THNSL1: variants seen among roughly 807,000 people sequenced by gnomAD.
The protein encoded by THNSL1 is threonine synthase-like 1.
Under a neutral mutation model 50.4 loss-of-function variants are expected in THNSL1, and 48 were observed. The observed-to-expected ratio is 0.95, with a 90% CI of 0.76 to 1.21. THNSL1 has a LOEUF of 1.21. Among genes scored for constraint, THNSL1 ranks in the 50% most tolerant of loss-of-function variants. The pLI is 0.00. For synonymous variants in THNSL1, 309 were observed against 306.1 expected (o/e 1.01, Z -0.10); for missense variants, 896 against 871.7 (o/e 1.03, Z -0.35).
the THNSL1 span, among the ~76,000 whole-genome samples, chr10:24,997,807 T>TTA: frequency 0.092 from 13,384 of 144,842 alleles, 1,975 homozygotes; most frequent in African/African-American, 0.31. Flanking sequence ...CACAAAGGAT[T>TTA]TATATATATA....
the THNSL1 span, chr10:24,995,923 G>C: frequency 7.2e-7 from 1 of 1,382,862 alleles, no homozygotes; most frequent in Non-Finnish European, 9.9e-7. Context: ...CTGCTACTCA[G>C]TGCTATTTAT....
the THNSL1 span, among the ~76,000 whole-genome samples, chr10:25,007,774 A>G: frequency 6.6e-6 from 1 of 152,052 alleles, no homozygotes; most frequent in African/African-American, 2.4e-5. Context: ...CTCAAAATAA[A>G]CATTAAGCCA....
At chr10:25,005,108 A>G in the THNSL1 span, among the ~76,000 whole-genome samples, 1 of 151,950 alleles carries the variant, frequency 6.6e-6, no homozygotes, top group African/African-American at 2.4e-5. Context: ...ATTCTGTTCT[A>G]TTGATCTCTG....
chr10:25,010,254 C>T, the THNSL1 span, among the ~76,000 whole-genome samples: 6 of 152,212 alleles, frequency 3.9e-5, no homozygotes, highest in East Asian at 7.7e-4. Context: ...TATGTTTTAG[C>T]AAAGAGACTG....
chr10:24,959,494 T>C, the THNSL1 span, among the ~76,000 whole-genome samples: 1 of 152,214 alleles, frequency 6.6e-6, no homozygotes, highest in Non-Finnish European at 1.5e-5. Flanking sequence ...TAATTGTGAG[T>C]TTGATCCACT....
chr10:24,963,761 A>C, the THNSL1 span, among the ~76,000 whole-genome samples: 1 of 152,368 alleles, frequency 6.6e-6, no homozygotes, highest in South Asian at 2.1e-4. Flanking sequence ...TTTTTCCTAG[A>C]GAAAAATAAA....
At chr10:24,985,011 A>T in the THNSL1 span, 1 of 866,356 alleles carries the variant, frequency 1.2e-6, no homozygotes, top group Admixed American at 2.7e-5. Flanking sequence ...AAAGAAACTG[A>T]CAAAAATAAC....
chr10:25,012,035 A>G (rs57710970), upstream of THNSL1, among the ~76,000 whole-genome samples: 1 of 152,166 alleles, frequency 6.6e-6, no homozygotes, highest in East Asian at 1.9e-4. Flanking sequence ...GCCCTGAGTC[A>G]CAGCCATGGC....
chr10:24,990,976 A>C, the THNSL1 span, among the ~76,000 whole-genome samples: 1 of 152,194 alleles, frequency 6.6e-6, no homozygotes, highest in Non-Finnish European at 1.5e-5. Flanking sequence ...GGCATGTGCC[A>C]GTAGTCCCAG....
chr10:25,013,937 C>A (rs149797390), upstream of THNSL1, among the ~76,000 whole-genome samples: 2 of 147,950 alleles, frequency 1.4e-5, no homozygotes, highest in African/African-American at 5.0e-5. Flanking sequence ...AGTGAAACTC[C>A]GTCTTGAAAA....
rs1247945136 is a variant in THNSL1 at position 25,025,467 on chromosome 10, G to GT, written c.*13dup. 1 of 1,585,142 alleles carries GT rather than the reference G, an allele frequency of 6.3e-7. No individual in the cohort carries two copies. The highest frequency in any genetic ancestry group is 1.4e-5 in the African/African-American group (1 of 73,244). On this transcript the variant is annotated 3_prime_UTR_variant, in exon 3 of 3. Transcript: ENST00000376356. ...ATCAATTCATATGAAAGCTTTCAGA[G>GT]TAAATTTTTTTTTCTAGCTATAAGC...
the THNSL1 span, among the ~76,000 whole-genome samples, chr10:24,980,236 T>C: frequency 6.6e-6 from 1 of 152,094 alleles, no homozygotes; most frequent in East Asian, 1.9e-4. Context: ...CTTTTCTAAG[T>C]TCACCCCAGC....
the THNSL1 span, among the ~76,000 whole-genome samples, chr10:24,978,851 G>A: frequency 6.6e-6 from 1 of 152,106 alleles, no homozygotes; most frequent in East Asian, 1.9e-4. Context: ...AAGGAGGGTT[G>A]GACAAAATCT....
chr10:25,017,809 T>C (rs745320962), intron 1 of THNSL1, among the ~76,000 whole-genome samples: 20 of 152,140 alleles, frequency 1.3e-4, no homozygotes, highest in Non-Finnish European at 2.5e-4. Context: ...GAGTATTTTA[T>C]GTTTGGGATT....
chr10:24,960,624 A>G, the THNSL1 span, among the ~76,000 whole-genome samples: 1 of 151,728 alleles, frequency 6.6e-6, no homozygotes, highest in African/African-American at 2.4e-5. Flanking sequence ...ACAGGGTTTT[A>G]CCATGTTGGC....
At chr10:24,985,260 G>A in the THNSL1 span, among the ~76,000 whole-genome samples, 16 of 152,186 alleles carry the variant, frequency 1.1e-4, no homozygotes, top group Admixed American at 5.2e-4. Flanking sequence ...TGATATCCTC[G>A]AGTCAAAAAC....
the THNSL1 span, among the ~76,000 whole-genome samples, chr10:24,988,646 TAG>T: frequency 4.1e-3 from 353 of 86,266 alleles, 1 homozygote; most frequent in Middle Eastern, 0.019. Flanking sequence ...CCTGAAAATG[TAG>T]AGTGACACAG....
chr10:24,997,586 A>C, the THNSL1 span, among the ~76,000 whole-genome samples: 500 of 151,874 alleles, frequency 3.3e-3, 2 homozygotes, highest in African/African-American at 9.2e-3. Context: ...ATAGGGTCTC[A>C]CTTTGTTGCT....
At chr10:24,976,826 C>A in the THNSL1 span, among the ~76,000 whole-genome samples, 1 of 152,152 alleles carries the variant, frequency 6.6e-6, no homozygotes, top group Non-Finnish European at 1.5e-5. Flanking sequence ...TACTGAACAT[C>A]ATCTTACTAA....
Sources: allele counts gnomAD v4.1 joint callset (sites outside exome capture counted in the v4.1 genomes callset), GRCh38; gene constraint gnomAD v4.1.1; transcripts MANE v1.5; gene names NCBI Gene and HGNC (gene_info 2026-07-23, HGNC 2026-07-21).